Variants in CEP83 observed in about 807,000 individuals in gnomAD.
The protein encoded by CEP83 is centrosomal protein of 83 kDa.
A neutral mutation model predicts 101.9 loss-of-function variants in CEP83; 70 were observed. That is an observed-to-expected ratio of 0.69 (90% confidence interval 0.57 to 0.84). The LOEUF is 0.84. Among genes scored for constraint, CEP83 ranks in the 40% least tolerant of loss-of-function variants. The pLI is 0.00. For synonymous variants in CEP83, 264 were observed against 267.9 expected, an observed-to-expected ratio of 0.99 and a Z score of 0.14; for missense variants, 715 against 787.2, an observed-to-expected ratio of 0.91 and a Z score of 1.10.
intron 13 of CEP83, 74 bp downstream of exon 13, chr12:94,333,391 AAATATAATCAACATTGG>A (rs1210024534): frequency 2.9e-5 from 33 of 1,157,502 alleles, no homozygotes; most frequent in Non-Finnish European, 3.3e-5. Context: ...CTAGTTTCTA[AAATATAATCAACATTGG>A]AATCATTACT....
At chr12:94,436,947 T>C (rs912156483) in intron 1 of CEP83, among the ~76,000 whole-genome samples, 10 of 151,942 alleles carry the variant, frequency 6.6e-5, no homozygotes, top group Non-Finnish European at 1.2e-4. Flanking sequence ...ATAAGAATAA[T>C]TGCTGTCCCT....
At chr12:94,360,788 G>C (rs549026767) in intron 11 of CEP83, among the ~76,000 whole-genome samples, 15 of 151,862 alleles carry the variant, frequency 9.9e-5, no homozygotes, top group African/African-American at 3.6e-4. Context: ...ACTCCAAAGA[G>C]TCAAAGCAAT....
intron 6 of CEP83, among the ~76,000 whole-genome samples, chr12:94,394,579 A>T (rs377393501): frequency 6.6e-6 from 1 of 152,186 alleles, no homozygotes; most frequent in Non-Finnish European, 1.5e-5. Flanking sequence ...GGACTTCATG[A>T]CTAAAACACC....
intron 2 of CEP83, among the ~76,000 whole-genome samples, chr12:94,429,828 T>G (rs1026841050): frequency 6.6e-6 from 1 of 152,076 alleles, no homozygotes; most frequent in African/African-American, 2.4e-5. Context: ...CCACCAGGAC[T>G]GAAACACAAG....
intron 11 of CEP83, among the ~76,000 whole-genome samples, chr12:94,366,114 T>G (rs2061013498): frequency 6.6e-6 from 1 of 152,044 alleles, no homozygotes; most frequent in Non-Finnish European, 1.5e-5. Context: ...GGCATTTTTT[T>G]GAAGGTTTTG....
chr12:94,269,276 T>C, the CEP83 span, among the ~76,000 whole-genome samples: 8 of 152,360 alleles, frequency 5.3e-5, no homozygotes, highest in East Asian at 9.6e-4. Context: ...TTCATTCTCC[T>C]ATCTATAAGA....
chr12:94,395,433 A>AT (rs529117322), intron 6 of CEP83, among the ~76,000 whole-genome samples: 61 of 151,960 alleles, frequency 4.0e-4, no homozygotes, highest in Non-Finnish European at 7.2e-4. Flanking sequence ...ACTATAATTT[A>AT]TTTTTCCTAA....
intron 11 of CEP83, among the ~76,000 whole-genome samples, chr12:94,336,008 A>G (rs1329473784): frequency 1.3e-5 from 2 of 152,146 alleles, no homozygotes; most frequent in Admixed American, 1.3e-4. Flanking sequence ...AAAATTATAG[A>G]ATGTGTTGCT....
chr12:94,364,180 T>C (rs547272247), intron 11 of CEP83, among the ~76,000 whole-genome samples: 29 of 152,262 alleles, frequency 1.9e-4, no homozygotes, highest in Admixed American at 3.3e-4. Flanking sequence ...TGGAGATAGA[T>C]GGTAATGATG....
At chr12:94,448,586 G>T (rs943843023) in intron 1 of CEP83, among the ~76,000 whole-genome samples, 3 of 152,116 alleles carry the variant, frequency 2.0e-5, no homozygotes, top group Non-Finnish European at 4.4e-5. Flanking sequence ...AAAAATGTGT[G>T]ATCTGATCAC....
Position 94,331,845 on chromosome 12 carries a change from A to T in CEP83, c.1578-16T>A. ...TTCCAATGTCCTGTCAGAAGAATGTATGTAAAACATGGAAGTTAAATAAGT... is the reference window on the plus strand; with the variant it reads ...TTCCAATGTCCTGTCAGAAGAATGTTTGTAAAACATGGAAGTTAAATAAGT... On this transcript the variant is annotated splice_polypyrimidine_tract_variant and intron_variant, in intron 13 of 16. Transcript: ENST00000397809. 6.2e-7 allele frequency: 1 copy of T among 1,608,204 alleles called. No individual in the cohort carries two copies. The highest frequency in any genetic ancestry group is 8.5e-7 in the Non-Finnish European group (1 of 1,175,086).
At chr12:94,406,176 T>C (rs1295313631) in intron 4 of CEP83, among the ~76,000 whole-genome samples, 2 of 152,082 alleles carry the variant, frequency 1.3e-5, no homozygotes, top group African/African-American at 2.4e-5. Context: ...CCCAGAAAGA[T>C]AAAACTGTTT....
intron 6 of CEP83, among the ~76,000 whole-genome samples, chr12:94,391,988 A>G (rs2062572764): frequency 6.6e-6 from 1 of 152,234 alleles, no homozygotes; most frequent in African/African-American, 2.4e-5. Flanking sequence ...AGATTCATAA[A>G]GTAAGTCCTT....
chr12:94,437,576 T>A (rs1479937905), intron 1 of CEP83, among the ~76,000 whole-genome samples: 6 of 152,224 alleles, frequency 3.9e-5, no homozygotes, highest in Non-Finnish European at 8.8e-5. Flanking sequence ...TTGGGTCCTA[T>A]CTTCAGTCTC....
rs2061220091 is a variant in CEP83, at chr12:94,369,962, C to A, written c.1008G>T (p.Glu336Asp). ...IKLETARAKS[E>D]LERERNKIQS... ...GAATCTTATTCCTTTCTCTTTCTAG[C>A]TCACTCTTAGCTCTTGCTGTCTCCA... Residue 336 changes from glutamate to aspartate, a missense_variant, in exon 9 of 17, where the codon GAG becomes GAT. Transcript: ENST00000397809. 3.1e-6 allele frequency: 5 copies of A among 1,609,570 alleles called. No individual in the cohort carries two copies. Among genetic ancestry groups the A allele is most frequent in the Non-Finnish European group, 4.3e-6 (5 of 1,176,444 alleles).
At chr12:94,356,307 A>G (rs1565976530) in intron 11 of CEP83, among the ~76,000 whole-genome samples, 3 of 152,328 alleles carry the variant, frequency 2.0e-5, no homozygotes, top group Admixed American at 6.5e-5. Context: ...ATAGTGAAGT[A>G]ACAGAAGAGG....
chr12:94,434,012 A>C (rs932743174), intron 2 of CEP83: 7 of 152,132 alleles, frequency 4.6e-5, no homozygotes, highest in Non-Finnish European at 1.0e-4. Flanking sequence ...CCTTTTTTCC[A>C]TAGGGATTTC....
At chr12:94,294,791 C>T in the CEP83 span, among the ~76,000 whole-genome samples, 1 of 152,120 alleles carries the variant, frequency 6.6e-6, no homozygotes, top group Non-Finnish European at 1.5e-5. Context: ...TCTTTATAGC[C>T]CTAAACTCAG....
At chr12:94,279,538 G>A in the CEP83 span, 1 of 1,614,202 alleles carries the variant, frequency 6.2e-7, no homozygotes, top group Non-Finnish European at 8.5e-7. Flanking sequence ...GAATATTTCA[G>A]TCAATGTTCT....
Sources: allele counts gnomAD v4.1 joint callset (sites outside exome capture counted in the v4.1 genomes callset), GRCh38; gene constraint gnomAD v4.1.1; transcripts MANE v1.5; gene names NCBI Gene and HGNC (gene_info 2026-07-23, HGNC 2026-07-21).